The following DMXL1 variants were observed in gnomAD, a reference collection of about 807,000 sequenced individuals.
DMXL1 encodes the protein Dmx like 1, also known as dmX-like protein 1.
A neutral mutation model predicts 319.2 loss-of-function variants in DMXL1; 99 were observed. That is an observed-to-expected ratio of 0.31 (90% confidence interval 0.26 to 0.37). The LOEUF is 0.37. DMXL1 is among the 10% of genes least tolerant of loss of function. The probability of loss-of-function intolerance (pLI) is 1.00; values close to 1 mark genes in which losing one functional copy is unlikely to be tolerated. For synonymous variants in DMXL1, 1,385 were observed against 1,235.2 expected (o/e 1.12, Z -2.54); for missense variants, 3,745 against 3,595.6 (o/e 1.04, Z -1.06).
intron 20 of DMXL1, 59 bp from the exon 21 acceptor site, chr5:119,165,124 A>T: frequency 9.5e-7 from 1 of 1,049,134 alleles, no homozygotes; most frequent in African/African-American, 1.6e-5. Flanking sequence ...TTCATATGAA[A>T]GAAATTACTT....
At chr5:119,145,426 A>G (rs1166324294) in intron 15 of DMXL1, among the ~76,000 whole-genome samples, 1 of 151,782 alleles carries the variant, frequency 6.6e-6, no homozygotes, top group Non-Finnish European at 1.5e-5. Context: ...TGAGTTAATG[A>G]GCTGTGCAAA....
intron 1 of DMXL1, among the ~76,000 whole-genome samples, chr5:119,089,138 C>T (rs1267547974): frequency 6.6e-6 from 1 of 150,820 alleles, no homozygotes; most frequent in Non-Finnish European, 1.5e-5. Flanking sequence ...TTGCTGGCTA[C>T]AATATTTATA....
chr5:119,221,105 T>G (rs1561907824), intron 37 of DMXL1, 24 bp downstream of exon 37: 1 of 1,548,010 alleles, frequency 6.5e-7, no homozygotes, highest in Non-Finnish European at 8.8e-7. Context: ...AAAATAAATT[T>G]AAGTTATATG....
At position 119,240,582 on chromosome 5, in the gene DMXL1, A is replaced by G; in HGVS notation, c.8704+111A>G. 4 of 799,544 alleles carry G rather than the reference A, an allele frequency of 5.0e-6. No individual in the cohort carries two copies. In the South Asian group the frequency reaches 7.4e-5, roughly 15 times the overall value. The allele number at this position is 799,544 out of a possible 1,614,324, so 49.5% of individuals were successfully genotyped here. A position where few individuals can be genotyped will look rare whatever the true frequency, so the allele number is the denominator to read the frequency against. On this transcript the variant is annotated intron_variant, in intron 42 of 43. Transcript: ENST00000539542. ...ACACATATATTTATTAACCCATGAGATTTCTTTTGCCCAGGATGGCAGGAT... is the reference window on the plus strand; with the variant it reads ...ACACATATATTTATTAACCCATGAGGTTTCTTTTGCCCAGGATGGCAGGAT...
At chr5:119,129,790 T>A (rs983312014) in intron 10 of DMXL1, among the ~76,000 whole-genome samples, 2 of 152,222 alleles carry the variant, frequency 1.3e-5, no homozygotes, top group Non-Finnish European at 2.9e-5. Flanking sequence ...TCCAGGTGAT[T>A]TGTATGTACA....
At chr5:119,093,619 A>G (rs913262986) in intron 1 of DMXL1, among the ~76,000 whole-genome samples, 2 of 152,220 alleles carry the variant, frequency 1.3e-5, no homozygotes, top group Admixed American at 1.3e-4. Flanking sequence ...AGAGTTACAC[A>G]TCTCTTTCTT....
chr5:119,207,747 C>T (rs953309113), intron 34 of DMXL1, among the ~76,000 whole-genome samples: 1 of 152,184 alleles, frequency 6.6e-6, no homozygotes, highest in Non-Finnish European at 1.5e-5. Context: ...ATGTCAAACT[C>T]CTGACCTCAG....
chr5:119,096,338 G>A (rs1217923842), intron 1 of DMXL1, among the ~76,000 whole-genome samples: 2 of 151,828 alleles, frequency 1.3e-5, no homozygotes, highest in Non-Finnish European at 2.9e-5. Flanking sequence ...GACCATGCCC[G>A]GCTAATTTTG....
intron 15 of DMXL1, 26 bp downstream of exon 15, chr5:119,144,664 A>T: frequency 7.0e-7 from 1 of 1,421,502 alleles, no homozygotes. Flanking sequence ...TTATGGAATG[A>T]GAAATACTAT....
At position 119,146,741 on chromosome 5, in the gene DMXL1, T is replaced by C. The variant is rs1256597675; in HGVS notation, c.2570-96T>C. The C allele has an allele frequency of 5.1e-5, 65 of 1,263,208 alleles. 2 individuals carry two copies. The highest frequency in any genetic ancestry group is 6.5e-5 in the Non-Finnish European group (61 of 934,184). The allele number at this position is 1,263,208 out of a possible 1,614,324, so 78.2% of individuals were successfully genotyped here. ...AAGCCTTAGGTAAAAGTTTTTAATC[T>C]TCTTTTTTTAAAGTCCAATTATTTT... On this transcript the variant is annotated intron_variant, in intron 15 of 43. Transcript: ENST00000539542.
At chr5:119,082,457 G>A (rs1423695316) in intron 1 of DMXL1, among the ~76,000 whole-genome samples, 1 of 151,942 alleles carries the variant, frequency 6.6e-6, no homozygotes, top group Non-Finnish European at 1.5e-5. Context: ...AAAATTTTTT[G>A]TAGAGTGGGG....
At chr5:119,138,470 A>G (rs1230969150) in intron 13 of DMXL1, among the ~76,000 whole-genome samples, 1 of 152,206 alleles carries the variant, frequency 6.6e-6, no homozygotes, top group Non-Finnish European at 1.5e-5. Context: ...CTGAAAATAT[A>G]CAGTAGTTGT....
chr5:119,154,222 A>G (rs1409744517), intron 19 of DMXL1, among the ~76,000 whole-genome samples: 2 of 152,224 alleles, frequency 1.3e-5, no homozygotes, highest in East Asian at 1.9e-4. Context: ...GAAGAGCTGC[A>G]TATCTCTCCC....
intron 36 of DMXL1, 28 bp downstream of exon 36, chr5:119,220,621 T>C: frequency 6.2e-7 from 1 of 1,604,848 alleles, no homozygotes; most frequent in South Asian, 1.1e-5. Flanking sequence ...TTCTATTTAG[T>C]AATGTTGCAA....
At chr5:119,234,951 A>G (rs1335754121) in intron 39 of DMXL1, among the ~76,000 whole-genome samples, 1 of 152,154 alleles carries the variant, frequency 6.6e-6, no homozygotes, top group Admixed American at 6.6e-5. Context: ...AGCCTTCTGC[A>G]TAGGCTATTT....
Position 119,197,902 on chromosome 5 carries a change from G to C in DMXL1, c.7691G>C (p.Gly2564Ala), listed in dbSNP as rs201699153. ...SHTAEESLSA[G>A]PAILRHKALL... is the part of the protein sequence containing the mutation. ...ACCGCCGAAGAGAGTTTGTCTGCAG[G>C]TCCTGCAATTCTTCGCCACAAAGCT... The change falls in exon 32 of 44, where the codon GGT becomes GCT. Residue 2564 changes from glycine (G) to alanine (A), a missense_variant. By Grantham distance (60) the Gly-to-Ala change is moderately conservative (BLOSUM62 0). Around this residue, in one of 4 missense-constraint regions of DMXL1, gnomAD observed 1,382 missense variants for 1,269.5 expected, o/e 1.09. Transcript: ENST00000539542. 2.3e-5 allele frequency: 37 copies of C among 1,614,132 alleles called. No homozygotes were observed. Among genetic ancestry groups the C allele is most frequent in the Admixed American group, 8.3e-5 (5 of 60,004 alleles).
At chr5:119,154,429 A>G (rs1028724088) in intron 19 of DMXL1, among the ~76,000 whole-genome samples, 1 of 152,250 alleles carries the variant, frequency 6.6e-6, no homozygotes, top group African/African-American at 2.4e-5. Flanking sequence ...GCTTATGTGG[A>G]GAAAGTTTGA....
At chr5:119,246,169 A>G (rs978604172) in intron 43 of DMXL1, among the ~76,000 whole-genome samples, 2 of 152,210 alleles carry the variant, frequency 1.3e-5, no homozygotes, top group Non-Finnish European at 2.9e-5. Context: ...ATCTTAGTAA[A>G]TTAAGTATCC....
At chr5:119,202,209 C>T (rs1561863709) in intron 32 of DMXL1, among the ~76,000 whole-genome samples, 1 of 152,080 alleles carries the variant, frequency 6.6e-6, no homozygotes, top group Non-Finnish European at 1.5e-5. Flanking sequence ...ACATTTAGTG[C>T]TGTGAATTTC....
Sources: gnomAD v4.1 joint callset for allele counts (sites outside exome capture counted in the v4.1 genomes callset) on GRCh38, gnomAD v4.1.1 for gene constraint, gnomAD v4.1.1 regional missense constraint, MANE v1.5 for transcripts, NCBI Gene and HGNC (gene_info 2026-07-23, HGNC 2026-07-21) for gene names.